Variants in PLXND1 observed in about 807,000 individuals in gnomAD.
The protein encoded by PLXND1 is plexin-D1.
PLXND1 carries 54 observed loss-of-function variants against 197.7 expected under a neutral mutation model. That is an observed-to-expected ratio of 0.27 (90% CI 0.22 to 0.34). PLXND1 has a LOEUF of 0.34. Among genes scored for constraint, PLXND1 ranks in the 10% least tolerant of loss-of-function variants. The pLI is 1.00. For synonymous variants in PLXND1, 1,180 were observed against 1,161.2 expected (o/e 1.02, Z -0.33); for missense variants, 2,127 against 2,699.2 (o/e 0.79, Z 4.70).
chr3:129,601,614 G>C (rs942911570), intron 1 of PLXND1, among the ~76,000 whole-genome samples: 2 of 152,150 alleles, frequency 1.3e-5, no homozygotes, highest in African/African-American at 4.8e-5. Flanking sequence ...ATGGGACCAG[G>C]AGAAAAAAGG....
intron 8 of PLXND1, among the ~76,000 whole-genome samples, chr3:129,583,212 C>T (rs1215585361): frequency 6.6e-6 from 1 of 152,216 alleles, no homozygotes; most frequent in African/African-American, 2.4e-5. Context: ...GGTCTTCCTA[C>T]TGCAGTGGGG....
chr3:129,582,449 C>G (rs1033086346), intron 8 of PLXND1, among the ~76,000 whole-genome samples: 6 of 152,252 alleles, frequency 3.9e-5, no homozygotes, highest in Non-Finnish European at 8.8e-5. Context: ...GTTGTGCCAT[C>G]TGGAATATGG....
In PLXND1 at chr3:129,577,719, G is replaced by A. The variant is rs1042270515; in HGVS notation, c.2346+610C>T. Among the ~76,000 whole-genome samples, 12 of 152,280 alleles carry A rather than the reference G, an allele frequency of 7.9e-5. No individual in the cohort carries two copies. Among genetic ancestry groups the A allele is most frequent in the South Asian group, 2.1e-4 (1 of 4,830 alleles). ...CAGGAGGGGTCCAGAAAGGAGCTGC[G>A]TCCCCAACCCCCAGCCCAGATGGTG... On this transcript the variant is annotated intron_variant, in intron 9 of 35. Coordinates refer to ENST00000324093, the MANE Select transcript of PLXND1 (RefSeq NM_015103.3). This position sits in a 1 kb window ranked among gnomAD's most constrained non-coding sequence, Gnocchi z 5.0.
chr3:129,575,454 G>A lies in PLXND1; in HGVS notation c.2530+15C>T. ...TGAGGCCCCGAGGCCATGTGGGGCG[G>A]GTGGGGGTGCCCACCTGTCATGGGC... On this transcript the variant is annotated intron_variant, in intron 11 of 35. Coordinates refer to ENST00000324093, the MANE Select transcript of PLXND1 (RefSeq NM_015103.3). 2.0e-6 allele frequency: 3 copies of A among 1,523,614 alleles called. No individual in the cohort carries two copies. Among genetic ancestry groups the A allele is most frequent in the Middle Eastern group, 1.7e-4 (1 of 5,762 alleles). The allele number at this position is 1,523,614 out of a possible 1,614,324, so 94.4% of individuals were successfully genotyped here.
chr3:129,581,793 T>C (rs1048783651), intron 8 of PLXND1, among the ~76,000 whole-genome samples: 5 of 152,228 alleles, frequency 3.3e-5, no homozygotes, highest in African/African-American at 7.2e-5. Flanking sequence ...GACTAAGGCA[T>C]ACAGCAGGCA....
In PLXND1 at chr3:129,586,054, A is replaced by G. The variant is rs2085454604; in HGVS notation, c.1749T>C (p.Asn583=). 1 of 1,613,826 alleles carries G rather than the reference A, an allele frequency of 6.2e-7. No homozygotes were observed. The highest frequency in any genetic ancestry group is 1.3e-5 in the African/African-American group (1 of 74,940). ...TRCTLQQDCT[N]SSQQHFWTSA... ...TGGTCCAGAAATGCTGCTGGCTGGA[A>G]TTGGTGCAGTCCTGCTGCAAGGTGC... Residue 583 remains asparagine (N), a synonymous_variant, in exon 5 of 36, where the codon AAT becomes AAC. Transcript: ENST00000324093.
rs759929281 is a variant in PLXND1, at chr3:129,570,776, A to G, written c.3750+10T>C. 1.9e-6 allele frequency: 3 copies of G among 1,613,782 alleles called. No homozygotes were observed. Among genetic ancestry groups the G allele is most frequent in the East Asian group, 2.2e-5 (1 of 44,880 alleles). On this transcript the variant is annotated intron_variant, in intron 19 of 35. Coordinates refer to ENST00000324093, the MANE Select transcript of PLXND1 (RefSeq NM_015103.3). Reference sequence around the variant, plus strand: ...CAGGTCTGCCCTGCTCCGGCGCCCCATCCACTCACTGTGATGGGCAGCTGC... The same window carrying G: ...CAGGTCTGCCCTGCTCCGGCGCCCCGTCCACTCACTGTGATGGGCAGCTGC...
At chr3:129,601,673 A>G (rs1287401163) in intron 1 of PLXND1, among the ~76,000 whole-genome samples, 2 of 152,130 alleles carry the variant, frequency 1.3e-5, no homozygotes, top group East Asian at 1.9e-4. Flanking sequence ...TCTTCCCCAG[A>G]GGTACCCCAT....
intron 15 of PLXND1, 72 bp from the exon 16 acceptor site, chr3:129,571,916 TG>T: frequency 7.0e-7 from 1 of 1,423,356 alleles, no homozygotes. Context: ...CCCTGAGACC[TG>T]GGGCACAAGT....
Position 129,577,701 on chromosome 3 carries a change from G to A in PLXND1, c.2346+628C>T, listed in dbSNP as rs1316167873. The stretch of plus-strand genomic sequence containing the variant: ...CCACCCAGGACGCGCCTCCAGGAGG[G>A]GTCCAGAAAGGAGCTGCGTCCCCAA... On this transcript the variant is annotated intron_variant, in intron 9 of 35. Transcript: ENST00000324093. The surrounding 1 kb of genome is among the most constrained non-coding windows in gnomAD (Gnocchi z 5.0). Among the ~76,000 whole-genome samples the A allele has an allele frequency of 6.6e-6, 1 of 152,214 alleles. No homozygotes were observed. The highest frequency in any genetic ancestry group is 1.5e-5 in the Non-Finnish European group (1 of 68,034).
At chr3:129,571,914 C>T in intron 15 of PLXND1, 70 bp from the exon 16 acceptor site, 1 of 1,435,778 alleles carries the variant, frequency 7.0e-7, no homozygotes, top group Non-Finnish European at 9.5e-7. Flanking sequence ...GCCCCTGAGA[C>T]CTGGGGCACA....
chr3:129,565,622 G>A, intron 24 of PLXND1, 84 bp from the exon 25 acceptor site: 1 of 1,239,414 alleles, frequency 8.1e-7, no homozygotes, highest in Non-Finnish European at 1.1e-6. Flanking sequence ...CTCATCCCCG[G>A]GCCCATCGAT....
intron 31 of PLXND1, 144 bp from the exon 32 acceptor site, chr3:129,559,927 T>C: frequency 1.4e-6 from 1 of 702,818 alleles, no homozygotes; most frequent in Non-Finnish European, 2.3e-6. Context: ...CGAGCCTCTC[T>C]GGCTCACTTG....
Position 129,584,204 on chromosome 3 carries a change from C to T in PLXND1, c.2059G>A (p.Val687Ile). 1 of 1,592,160 alleles carries T rather than the reference C, an allele frequency of 6.3e-7. No homozygotes were observed. The highest frequency in any genetic ancestry group is 1.1e-5 in the South Asian group (1 of 88,256). Reference sequence around the variant, plus strand: ...GCCTTGACGATGTTCCGCCCATTGACCCTCACAGACATCTCAACAGTCACG... The same window carrying T: ...GCCTTGACGATGTTCCGCCCATTGATCCTCACAGACATCTCAACAGTCACG... Reference protein sequence around the residue: ...DHVTVEMSVRVNGRNIVKANF... With the variant: ...DHVTVEMSVRINGRNIVKANF... The change falls in exon 7 of 36, where the codon GTC (valine) becomes ATC (isoleucine). Residue 687 changes from valine to isoleucine, a missense_variant. By Grantham distance (29) the Val-to-Ile change is conservative. Transcript: ENST00000324093.
intron 12 of PLXND1, 106 bp downstream of exon 12, chr3:129,574,230 T>C (rs1420458418): frequency 1.0e-6 from 1 of 1,002,052 alleles, no homozygotes; most frequent in East Asian, 2.6e-5. Flanking sequence ...CACCCATGTG[T>C]CGGTGTATGT....
rs1360677023 is a variant in PLXND1 at position 129,565,901 on chromosome 3, A to G, written c.4308T>C (p.Phe1436=). Residue 1436 remains phenylalanine (F), a synonymous_variant, in exon 24 of 36, where the codon TTT becomes TTC. Transcript: ENST00000324093. ...FVHALEQQKD[F]AVRDRCSLAS... ...CACAGCCTGACCTGTCGCGCACCGC[A>G]AAGTCCTTCTGCTGCTCCAGCGCGT... The G allele has an allele frequency of 1.2e-6, 2 of 1,614,104 alleles. No individual in the cohort carries two copies. Among genetic ancestry groups the G allele is most frequent in the East Asian group, 4.5e-5 (2 of 44,878 alleles).
chr3:129,586,733 G>T lies in PLXND1; in HGVS notation c.1489-14C>A. 1 of 1,598,090 alleles carries T rather than the reference G, an allele frequency of 6.3e-7. No individual in the cohort carries two copies. ...GTTCAGGTTGATCTGTGGGGGTAGT[G>T]GGCATCAGGGTGCTGGAGCCCATAG... is the stretch of plus-strand genomic sequence containing the variant. On this transcript the variant is annotated splice_polypyrimidine_tract_variant and intron_variant, in intron 2 of 35. Coordinates refer to ENST00000324093, the MANE Select transcript of PLXND1 (RefSeq NM_015103.3).
intron 1 of PLXND1, among the ~76,000 whole-genome samples, chr3:129,598,996 GAC>G (rs1181943394): frequency 6.6e-6 from 1 of 152,218 alleles, no homozygotes; most frequent in African/African-American, 2.4e-5. Context: ...CAGTAATTAT[GAC>G]ATGATGGGGC....
At chr3:129,593,433 G>T (rs191190637) in intron 1 of PLXND1, among the ~76,000 whole-genome samples, 11 of 152,288 alleles carry the variant, frequency 7.2e-5, no homozygotes, top group Admixed American at 7.2e-4. Flanking sequence ...CAGCGCCCCC[G>T]GTGTCTGGAC....
Sources: gnomAD v4.1 joint callset for allele counts (sites outside exome capture counted in the v4.1 genomes callset) on GRCh38, gnomAD v4.1.1 for gene constraint, Gnocchi (gnomAD v3.1) non-coding constraint, MANE v1.5 for transcripts, NCBI Gene and HGNC (gene_info 2026-07-23, HGNC 2026-07-21) for gene names.